Variants in PANK3 observed in about 807,000 individuals in gnomAD.
PANK3 encodes pantothenate kinase 3.
Under a neutral mutation model 39.4 loss-of-function variants are expected in PANK3, and 20 were observed. The ratio of observed to expected loss-of-function variants is 0.51; its 90% CI spans 0.36 to 0.74. The LOEUF (loss-of-function observed/expected upper bound fraction) is 0.74, where lower values mean the gene tolerates loss of function less well. PANK3 is among the 30% of genes least tolerant of loss of function. PANK3 has a pLI of 0.00. For missense variants in PANK3, 265 were observed against 437.0 expected (o/e 0.61, Z 3.51); for synonymous variants, 140 against 157.3 (o/e 0.89, Z 0.82).
chr5:168,563,780 G>C (rs1759480803), intron 4 of PANK3, 109 bp downstream of exon 4: 5 of 961,656 alleles, frequency 5.2e-6, no homozygotes, highest in Non-Finnish European at 7.4e-6. Context: ...AACCTAAACT[G>C]GATAAGAGAA....
Position 168,554,853 on chromosome 5 carries a change from G to GA in PANK3, c.*2717dup, listed in dbSNP as rs1486954032. On this transcript the variant is annotated 3_prime_UTR_variant, in exon 7 of 7. Transcript: ENST00000239231. ...TCTATAGATTTAGGGCAATCTTTAA[G>GA]AAAAAATGGAATGGTCAGAGTCTAA... 1 of 152,160 alleles carries GA rather than the reference G, an allele frequency of 6.6e-6. No individual in the cohort carries two copies. Among genetic ancestry groups the GA allele is most frequent in the Non-Finnish European group, 1.5e-5 (1 of 68,018 alleles). 9.4% of individuals were successfully genotyped at this position (152,160 alleles called of 1,614,324 possible).
intron 5 of PANK3, chr5:168,561,068 T>TA (rs1186625122): frequency 4.1e-5 from 10 of 245,126 alleles, no homozygotes; most frequent in East Asian, 1.0e-4. Context: ...AAATTAAGAC[T>TA]AAAAAAAATG....
At chr5:168,570,111 GGTGGCTTACGCCT>G (rs1238166472) in intron 1 of PANK3, among the ~76,000 whole-genome samples, 3 of 152,034 alleles carry the variant, frequency 2.0e-5, no homozygotes, top group African/African-American at 7.2e-5. Flanking sequence ...GGCCGGGCGC[GGTGGCTTACGCCT>G]GTGATCCCAG....
intron 1 of PANK3, among the ~76,000 whole-genome samples, chr5:168,572,203 T>G (rs563912007): frequency 7.2e-6 from 1 of 139,094 alleles, no homozygotes. Context: ...AGCCTCCACC[T>G]CCTGGGTTCA....
intron 1 of PANK3, among the ~76,000 whole-genome samples, chr5:168,577,725 T>C (rs1759750813): frequency 6.6e-6 from 1 of 152,236 alleles, no homozygotes; most frequent in Non-Finnish European, 1.5e-5. Flanking sequence ...ATTATTAGTT[T>C]GTTCAAATCT....
rs1268304539 is a variant in PANK3, at chr5:168,566,200, C to A, written c.448G>T (p.Asp150Tyr). 1.2e-6 allele frequency: 2 copies of A among 1,613,812 alleles called. No individual in the cohort carries two copies. Among genetic ancestry groups the A allele is most frequent in the African/African-American group, 2.7e-5 (2 of 74,874 alleles). Residue 150 changes from aspartate to tyrosine, a missense_variant, in exon 3 of 7, where the codon GAC becomes TAC. By Grantham distance (160) the Asp-to-Tyr change is radical. This residue lies in a region of PANK3 where 154 missense variants were observed against 256.8 expected (regional missense o/e 0.60). Coordinates refer to ENST00000239231, the MANE Select transcript of PANK3 (RefSeq NM_024594.4). The stretch of plus-strand genomic sequence containing the variant: ...GCTTGTCCATTGAAACTGACAGAGT[C>A]TATATACAGCAAGCCCTTTACAAGG... ...DCLVKGLLYIDSVSFNGQAEC... is the reference protein window; with the variant it reads ...DCLVKGLLYIYSVSFNGQAEC...
At chr5:168,573,928 T>C (rs1229134388) in intron 1 of PANK3, among the ~76,000 whole-genome samples, 1 of 152,176 alleles carries the variant, frequency 6.6e-6, no homozygotes, top group Admixed American at 6.5e-5. Flanking sequence ...TGTTGGACAC[T>C]TGGGTTGGTT....
At chr5:168,569,553 T>C (rs1405411430) in intron 1 of PANK3, among the ~76,000 whole-genome samples, 1 of 152,146 alleles carries the variant, frequency 6.6e-6, no homozygotes, top group Non-Finnish European at 1.5e-5. Context: ...TGACCCAGGA[T>C]CTTTTAATTC....
At chr5:168,569,815 C>T (rs1582466535) in intron 1 of PANK3, among the ~76,000 whole-genome samples, 1 of 152,082 alleles carries the variant, frequency 6.6e-6, no homozygotes, top group African/African-American at 2.4e-5. Context: ...CTTTGGGAGG[C>T]TGAGGTAGGG....
At position 168,560,409 on chromosome 5, in the gene PANK3, A is replaced by C. The variant is rs1036675917; in HGVS notation, c.936+984T>G. On this transcript the variant is annotated intron_variant, in intron 5 of 6. Coordinates refer to ENST00000239231, the MANE Select transcript of PANK3 (RefSeq NM_024594.4). ...AAAGCTTTCCTTTAACCACTCAATT[A>C]CTTAGCAATTTGTCCTCTACCACTC... Among the ~76,000 whole-genome samples the C allele has an allele frequency of 2.0e-5, 3 of 152,144 alleles. No individual in the cohort carries two copies. The East Asian group carries it at 5.8e-4, about 29-fold the overall frequency.
intron 5 of PANK3, among the ~76,000 whole-genome samples, chr5:168,560,711 G>A (rs187817721): frequency 1.1e-3 from 162 of 152,214 alleles, no homozygotes; most frequent in Non-Finnish European, 2.0e-3. Flanking sequence ...TCCATTTAAA[G>A]TATTTGATAT....
At chr5:168,571,645 T>C (rs1582467407) in intron 1 of PANK3, among the ~76,000 whole-genome samples, 1 of 152,240 alleles carries the variant, frequency 6.6e-6, no homozygotes, top group South Asian at 2.1e-4. Context: ...TTTCTAAAAT[T>C]CTACTTTCTC....
In PANK3 at chr5:168,565,868, A is replaced by AAAAAATATATATATATAT; in HGVS notation, c.635+144_635+145insATATATATATATATTTTT. On this transcript the variant is annotated intron_variant, in intron 3 of 6. Transcript: ENST00000239231. ...CACCCTCTTTCACTTAAAAAAAAAA[A>AAAAAATATATATATATAT]ATATATATATATATATATTTTTTTT... 50 of 131,932 alleles carry AAAAAATATATATATATAT rather than the reference A, an allele frequency of 3.8e-4. 2 individuals are homozygous for AAAAAATATATATATATAT. The East Asian group carries it at 4.2e-3, about 11-fold the overall frequency. 8.2% of individuals were successfully genotyped at this position (131,932 alleles called of 1,614,324 possible). A position where few individuals can be genotyped will look rare whatever the true frequency, so the allele number is the denominator to read the frequency against.
intron 2 of PANK3, 135 bp from the exon 3 acceptor site, chr5:168,566,401 T>A: frequency 3.0e-6 from 3 of 1,011,598 alleles, no homozygotes; most frequent in Non-Finnish European, 4.2e-6. Context: ...CATGTCAGAA[T>A]CTCTTTCGGG....
chr5:168,558,953 A>C, intron 6 of PANK3, 79 bp downstream of exon 6: 1 of 1,398,970 alleles, frequency 7.1e-7, no homozygotes, highest in Non-Finnish European at 9.7e-7. Context: ...CACTAAACTC[A>C]AGCCTGAGTG....
intron 1 of PANK3, among the ~76,000 whole-genome samples, chr5:168,573,858 T>C (rs1367307647): frequency 1.3e-5 from 2 of 152,162 alleles, no homozygotes; most frequent in Non-Finnish European, 2.9e-5. Flanking sequence ...CATCCTTTTT[T>C]ATGGCTGCAT....
At position 168,553,869 on chromosome 5, in the gene PANK3, A is replaced by C. The variant is rs1364891925; in HGVS notation, c.*3702T>G. On this transcript the variant is annotated 3_prime_UTR_variant, in exon 7 of 7. Coordinates refer to ENST00000239231, the MANE Select transcript of PANK3 (RefSeq NM_024594.4). ...GCTTTACCACATTTATCTCAGGCCC[A>C]AACTTAGTTATTTCTTTGTATTACA... The C allele has an allele frequency of 6.6e-6, 1 of 152,340 alleles. No individual in the cohort carries two copies. The highest frequency in any genetic ancestry group is 1.9e-4 in the East Asian group (1 of 5,196). 9.4% of individuals were successfully genotyped at this position (152,340 alleles called of 1,614,324 possible).
At chr5:168,571,319 T>C (rs1759627010) in intron 1 of PANK3, among the ~76,000 whole-genome samples, 1 of 152,226 alleles carries the variant, frequency 6.6e-6, no homozygotes, top group Admixed American at 6.5e-5. Context: ...TTCATAGAAT[T>C]ACAGCTAACA....
At chr5:168,568,168 A>G (rs1206542462) in intron 2 of PANK3, among the ~76,000 whole-genome samples, 1 of 152,148 alleles carries the variant, frequency 6.6e-6, no homozygotes, top group Admixed American at 6.5e-5. Flanking sequence ...CAGCATAAAA[A>G]CAGAAAAAAA....
Sources: gnomAD v4.1 joint callset for allele counts (sites outside exome capture counted in the v4.1 genomes callset) on GRCh38, gnomAD v4.1.1 for gene constraint, gnomAD v4.1.1 regional missense constraint, MANE v1.5 for transcripts, NCBI Gene and HGNC (gene_info 2026-07-23, HGNC 2026-07-21) for gene names.